The following NACC2 variants were observed in gnomAD, a reference collection of about 807,000 sequenced individuals.
NACC2 encodes nucleus accumbens-associated protein 2.
In NACC2, 8 loss-of-function variants were observed where a neutral mutation model predicts 25.1. The observed-to-expected ratio is 0.32, with a 90% confidence interval of 0.19 to 0.57. NACC2 has a LOEUF of 0.57. Among genes scored for constraint, NACC2 ranks in the 20% least tolerant of loss-of-function variants. The pLI, the probability that NACC2 is intolerant of heterozygous loss-of-function variation, is 0.89. For synonymous variants in NACC2, 435 were observed against 294.7 expected, an observed-to-expected ratio of 1.48 and a Z score of -4.88; for missense variants, 644 against 650.2, an observed-to-expected ratio of 0.99 and a Z score of 0.10.
At chr9:136,024,675 T>C (rs1588561244) in intron 2 of NACC2, among the ~76,000 whole-genome samples, 1 of 152,182 alleles carries the variant, frequency 6.6e-6, no homozygotes, top group South Asian at 2.1e-4. Context: ...ACATTAGCTA[T>C]GCAAAAATAA....
chr9:136,061,653 C>T (rs1203049037), intron 1 of NACC2, among the ~76,000 whole-genome samples: 1 of 152,230 alleles, frequency 6.6e-6, no homozygotes. Context: ...CCTCAGCCCT[C>T]ACACGGCCAG....
chr9:136,090,052 A>G (rs1190535982), intron 1 of NACC2, among the ~76,000 whole-genome samples: 1 of 152,234 alleles, frequency 6.6e-6, no homozygotes, highest in Non-Finnish European at 1.5e-5. Flanking sequence ...AAAGGCGCTT[A>G]GCTGTGCAAT....
chr9:136,066,059 G>T (rs771458870), intron 1 of NACC2, among the ~76,000 whole-genome samples: 50 of 151,928 alleles, frequency 3.3e-4, no homozygotes, highest in Admixed American at 2.0e-4. Context: ...CGGGTGTGGT[G>T]GTGGGTGCCT....
At chr9:136,070,494 G>A (rs1313757353) in intron 1 of NACC2, among the ~76,000 whole-genome samples, 2 of 151,740 alleles carry the variant, frequency 1.3e-5, no homozygotes, top group Non-Finnish European at 2.9e-5. Context: ...GCGACAGAGC[G>A]AGACTCGTCT....
Position 136,010,705 on chromosome 9 carries a change from G to C in NACC2, c.*811C>G, listed in dbSNP as rs1319804811. The C allele has an allele frequency of 2.6e-5, 4 of 152,282 alleles. No individual in the cohort carries two copies. Among genetic ancestry groups the C allele is most frequent in the African/African-American group, 7.2e-5 (3 of 41,440 alleles). The allele number at this position is 152,282 out of a possible 1,614,324, so 9.4% of individuals were successfully genotyped here. On this transcript the variant is annotated 3_prime_UTR_variant, in exon 6 of 6. Coordinates refer to ENST00000277554, the MANE Select transcript of NACC2 (RefSeq NM_144653.5). This position sits in a 1 kb window ranked among gnomAD's most constrained non-coding sequence, Gnocchi z 4.9. ...ATCCCAAAGTGGCTGAGGCGGCAGA[G>C]GGCAGCGTGTGCTACATCAGCTGTG...
At chr9:136,077,413 G>A (rs1830274413) in intron 1 of NACC2, among the ~76,000 whole-genome samples, 1 of 152,068 alleles carries the variant, frequency 6.6e-6, no homozygotes, top group Non-Finnish European at 1.5e-5. Flanking sequence ...ACCCTAACAG[G>A]GCACAAAGGA....
intron 2 of NACC2, among the ~76,000 whole-genome samples, chr9:136,043,879 G>A (rs1840682341): frequency 6.6e-6 from 1 of 152,162 alleles, no homozygotes; most frequent in Non-Finnish European, 1.5e-5. Context: ...AGGCTGGAGT[G>A]CAGTGGCGCA....
chr9:136,081,092 C>T (rs1339390563), intron 1 of NACC2, among the ~76,000 whole-genome samples: 1 of 152,098 alleles, frequency 6.6e-6, no homozygotes, highest in African/African-American at 2.4e-5. Flanking sequence ...AGAAGAAACG[C>T]GCGTTTCCCA....
At chr9:136,036,125 G>A (rs1034468084) in intron 2 of NACC2, among the ~76,000 whole-genome samples, 2 of 152,196 alleles carry the variant, frequency 1.3e-5, no homozygotes, top group African/African-American at 4.8e-5. Context: ...TGTAGAACGT[G>A]CAAAGTGGCA....
chr9:136,050,078 C>A lies in NACC2; in HGVS notation c.444G>T (p.Gln148His), dbSNP rs1042051042. 3.0e-5 allele frequency: 22 copies of A among 743,316 alleles called. No homozygotes were observed. The Admixed American group carries it at 3.4e-4, about 11-fold the overall frequency. 46.0% of individuals were successfully genotyped at this position (743,316 alleles called of 1,614,324 possible). Residue 148 changes from glutamine to histidine, a missense_variant, in exon 2 of 6, where the codon CAG (glutamine) becomes CAT (histidine). Gln to His is a conservative substitution (Grantham distance 24, BLOSUM62 0). Coordinates refer to ENST00000277554, the MANE Select transcript of NACC2 (RefSeq NM_144653.5). ...CCGCGGCGGCGGCGGCCGGCTGCAG[C>A]TGGTTGCAGGGGCTCTGGGGCTCGG... ...AGSEPQSPCNQLQPAAAAAAP... is the reference protein window; with the variant it reads ...AGSEPQSPCNHLQPAAAAAAP...
chr9:136,040,134 A>C (rs1366046529), intron 2 of NACC2, among the ~76,000 whole-genome samples: 1 of 152,092 alleles, frequency 6.6e-6, no homozygotes, highest in East Asian at 1.9e-4. Flanking sequence ...TTACAAGGTC[A>C]GGGGATTGAG....
chr9:136,092,951 A>T (rs1164720229), intron 1 of NACC2, among the ~76,000 whole-genome samples: 1 of 152,186 alleles, frequency 6.6e-6, no homozygotes, highest in East Asian at 1.9e-4. Context: ...GCCTGGGGAC[A>T]GTGTGTGGAG....
At chr9:136,040,001 A>C (rs1840603958) in intron 2 of NACC2, among the ~76,000 whole-genome samples, 1 of 152,218 alleles carries the variant, frequency 6.6e-6, no homozygotes, top group Non-Finnish European at 1.5e-5. Context: ...ATTAGAACTA[A>C]TCACTAAAGG....
rs1301194875 is a variant in NACC2 at position 136,018,349 on chromosome 9, C to T, written c.887-1920G>A. Among the ~76,000 whole-genome samples the T allele has an allele frequency of 3.3e-5, 5 of 152,002 alleles. No individual in the cohort carries two copies. The highest frequency in any genetic ancestry group is 7.2e-5 in the African/African-American group (3 of 41,382). On this transcript the variant is annotated intron_variant, in intron 2 of 5. Coordinates refer to ENST00000277554, the MANE Select transcript of NACC2 (RefSeq NM_144653.5). This position sits in a 1 kb window ranked among gnomAD's most constrained non-coding sequence, Gnocchi z 4.4. ...GTCCCAGAGTCACCTTTGCACCCAG[C>T]GCCTGTCAGGGAGGGGCAGGCCACC...
chr9:136,056,009 G>C (rs979016852), intron 1 of NACC2, among the ~76,000 whole-genome samples: 1 of 152,154 alleles, frequency 6.6e-6, no homozygotes, highest in African/African-American at 2.4e-5. Context: ...GCCCACCTCC[G>C]CGCAACGCCT....
chr9:136,039,925 A>G (rs1303366280), intron 2 of NACC2, among the ~76,000 whole-genome samples: 2 of 152,128 alleles, frequency 1.3e-5, no homozygotes, highest in African/African-American at 4.8e-5. Context: ...ACTGCAGTAA[A>G]ACTGTCTTTA....
intron 1 of NACC2, among the ~76,000 whole-genome samples, chr9:136,065,274 C>T (rs1314780094): frequency 6.6e-6 from 1 of 152,118 alleles, no homozygotes; most frequent in East Asian, 1.9e-4. Context: ...CGCTTGAGCC[C>T]AGGAGTTCAA....
chr9:136,082,655 G>A (rs927469738), intron 1 of NACC2, among the ~76,000 whole-genome samples: 13 of 105,250 alleles, frequency 1.2e-4, no homozygotes, highest in Non-Finnish European at 1.7e-4. Flanking sequence ...CTGCCTCCAC[G>A]GACCTGCCTC....
At chr9:136,029,123 T>C (rs2131145833) in intron 2 of NACC2, among the ~76,000 whole-genome samples, 2 of 152,288 alleles carry the variant, frequency 1.3e-5, no homozygotes, top group East Asian at 3.9e-4. Context: ...AGGCTGTCAG[T>C]TCCGCAGACT....
Sources: gnomAD v4.1 joint callset for allele counts (sites outside exome capture counted in the v4.1 genomes callset) on GRCh38, gnomAD v4.1.1 for gene constraint, Gnocchi (gnomAD v3.1) non-coding constraint, MANE v1.5 for transcripts, NCBI Gene and HGNC (gene_info 2026-07-23, HGNC 2026-07-21) for gene names.